BRINP3: variants seen among roughly 807,000 people sequenced by gnomAD.
BRINP3 encodes the protein BMP/retinoic acid-inducible neural-specific protein 3.
A neutral mutation model predicts 71.0 loss-of-function variants in BRINP3; 19 were observed. That is an observed-to-expected ratio of 0.27 (90% confidence interval 0.19 to 0.39). BRINP3 has a LOEUF of 0.39. BRINP3 is among the 10% of genes least tolerant of loss of function. The pLI is 1.00. For synonymous variants in BRINP3, 380 were observed against 337.7 expected (o/e 1.13, Z -1.37); for missense variants, 959 against 940.8 (o/e 1.02, Z -0.25).
chr1:190,418,935 A>G (rs1331495931), intron 2 of BRINP3, among the ~76,000 whole-genome samples: 1 of 152,132 alleles, frequency 6.6e-6, no homozygotes, highest in East Asian at 1.9e-4. Context: ...ATTTACTAAG[A>G]ATACTAAATT....
chr1:190,325,280 A>G (rs1666505438), intron 2 of BRINP3, among the ~76,000 whole-genome samples: 1 of 152,040 alleles, frequency 6.6e-6, no homozygotes, highest in Non-Finnish European at 1.5e-5. Flanking sequence ...TAATTTGTAG[A>G]TTCAAGAGAG....
intron 2 of BRINP3, among the ~76,000 whole-genome samples, chr1:190,407,073 TA>T (rs1191621013): frequency 6.6e-6 from 1 of 152,096 alleles, no homozygotes; most frequent in Non-Finnish European, 1.5e-5. Context: ...AAAACCAAAC[TA>T]AAAAGCACTC....
chr1:190,373,499 T>C (rs1341668589), intron 2 of BRINP3, among the ~76,000 whole-genome samples: 2 of 151,746 alleles, frequency 1.3e-5, no homozygotes, highest in Non-Finnish European at 2.9e-5. Flanking sequence ...TATGTGTATA[T>C]ATATACACAC....
intron 4 of BRINP3, among the ~76,000 whole-genome samples, chr1:190,259,268 C>T (rs1285249863): frequency 2.0e-5 from 3 of 149,844 alleles, no homozygotes; most frequent in Non-Finnish European, 3.0e-5. Flanking sequence ...TAGATCTAGC[C>T]ACATATAAAA....
intron 6 of BRINP3, among the ~76,000 whole-genome samples, chr1:190,198,227 G>T (rs900718490): frequency 5.3e-5 from 8 of 152,108 alleles, no homozygotes; most frequent in African/African-American, 1.9e-4. Context: ...TTTCTCCTAG[G>T]CCTATAGGCC....
At chr1:190,473,122 C>T (rs1571408872) in intron 1 of BRINP3, among the ~76,000 whole-genome samples, 2 of 151,650 alleles carry the variant, frequency 1.3e-5, no homozygotes, top group East Asian at 1.9e-4. Context: ...TCTCCCACCA[C>T]CAAAAATGTG....
At chr1:190,246,547 G>A (rs1659631606) in intron 4 of BRINP3, among the ~76,000 whole-genome samples, 1 of 151,848 alleles carries the variant, frequency 6.6e-6, no homozygotes, top group African/African-American at 2.4e-5. Context: ...ATTCTTCACT[G>A]GGTAAATATT....
chr1:190,364,406 G>C (rs1669352554), intron 2 of BRINP3, among the ~76,000 whole-genome samples: 1 of 152,010 alleles, frequency 6.6e-6, no homozygotes. Context: ...CTGGTAAGAA[G>C]TTGGTATTTT....
chr1:190,317,639 G>GA (rs77033703), intron 2 of BRINP3, among the ~76,000 whole-genome samples: 9 of 150,148 alleles, frequency 6.0e-5, no homozygotes, highest in Admixed American at 2.0e-4. Flanking sequence ...AAGTCACATT[G>GA]AAAAAAAAAT....
At chr1:190,423,956 C>A (rs1199385388) in intron 2 of BRINP3, among the ~76,000 whole-genome samples, 1 of 151,710 alleles carries the variant, frequency 6.6e-6, no homozygotes, top group Non-Finnish European at 1.5e-5. Flanking sequence ...ATAACCTGTT[C>A]TTTTATTGAC....
intron 3 of BRINP3, among the ~76,000 whole-genome samples, chr1:190,274,722 T>C (rs1662401106): frequency 6.6e-6 from 1 of 151,562 alleles, no homozygotes; most frequent in African/African-American, 2.4e-5. Flanking sequence ...CTGATAATCA[T>C]CCTTCTTAAG....
chr1:190,194,245 A>G (rs1408384030), intron 6 of BRINP3, among the ~76,000 whole-genome samples: 1 of 152,136 alleles, frequency 6.6e-6, no homozygotes, highest in African/African-American at 2.4e-5. Context: ...GCAGAAAGCC[A>G]CCAAAAGCTG....
intron 7 of BRINP3, among the ~76,000 whole-genome samples, chr1:190,110,095 A>C (rs1278152543): frequency 6.6e-6 from 1 of 152,210 alleles, no homozygotes; most frequent in Non-Finnish European, 1.5e-5. Flanking sequence ...AGAACTCACT[A>C]TGTACACGAT....
chr1:190,147,095 TA>T (rs1313719727), intron 7 of BRINP3, among the ~76,000 whole-genome samples: 3 of 152,080 alleles, frequency 2.0e-5, no homozygotes, highest in African/African-American at 7.2e-5. Flanking sequence ...TATTCATTTT[TA>T]TTTATTCTGT....
intron 3 of BRINP3, among the ~76,000 whole-genome samples, chr1:190,278,435 G>A (rs74972777): frequency 0.014 from 2,137 of 151,584 alleles, 32 homozygotes; most frequent in Middle Eastern, 0.024. Flanking sequence ...AAGGTTAAAT[G>A]ATAAACTCAC....
chr1:190,348,088 GC>G (rs1668140703), intron 2 of BRINP3, among the ~76,000 whole-genome samples: 1 of 152,044 alleles, frequency 6.6e-6, no homozygotes, highest in African/African-American at 2.4e-5. Flanking sequence ...CCTTTATAGA[GC>G]CTTTGATAAA....
At chr1:190,350,693 C>G (rs1462481050) in intron 2 of BRINP3, among the ~76,000 whole-genome samples, 1 of 151,986 alleles carries the variant, frequency 6.6e-6, no homozygotes, top group Admixed American at 6.6e-5. Flanking sequence ...GAAAATATGG[C>G]AGAATTTGGG....
intron 2 of BRINP3, among the ~76,000 whole-genome samples, chr1:190,323,054 A>T (rs1356715227): frequency 6.6e-6 from 1 of 152,072 alleles, no homozygotes; most frequent in Non-Finnish European, 1.5e-5. Context: ...AGTGTAGGCT[A>T]CACCAAAAGC....
intron 2 of BRINP3, among the ~76,000 whole-genome samples, chr1:190,311,895 G>A (rs1303490860): frequency 2.0e-5 from 3 of 149,904 alleles, no homozygotes; most frequent in Non-Finnish European, 3.0e-5. Flanking sequence ...AATAGTGCCA[G>A]GAGAGTAAAT....
Sources: allele counts gnomAD v4.1 joint callset (sites outside exome capture counted in the v4.1 genomes callset), GRCh38; gene constraint gnomAD v4.1.1; transcripts MANE v1.5; gene names NCBI Gene and HGNC (gene_info 2026-07-23, HGNC 2026-07-21).